The following BMP1 variants were observed in gnomAD, a reference collection of about 807,000 sequenced individuals.
The protein encoded by BMP1 is mammalian tolloid protein.
In BMP1, 63 loss-of-function variants were observed where a neutral mutation model predicts 116.8. The ratio of observed to expected loss-of-function variants is 0.54; its 90% CI spans 0.44 to 0.67. BMP1 has a LOEUF of 0.67. Ranked by LOEUF, BMP1 falls within the 30% of genes least tolerant of loss-of-function variation. BMP1 has a pLI of 0.00. For missense variants in BMP1, 1,183 were observed against 1,358.9 expected, an observed-to-expected ratio of 0.87 and a Z score of 2.04; for synonymous variants, 536 against 533.4, an observed-to-expected ratio of 1.00 and a Z score of -0.07.
At chr8:22,205,915 C>G (rs1249332037) in intron 16 of BMP1, among the ~76,000 whole-genome samples, 1 of 152,182 alleles carries the variant, frequency 6.6e-6, no homozygotes, top group African/African-American at 2.4e-5. Context: ...TGACAAAGCC[C>G]TCAAGGAACC....
chr8:22,206,870 G>A lies in BMP1; in HGVS notation c.2250G>A (p.Lys750=). ...HDCKEAGCDH[K]VTSTSGTITS... ...TCCCTGCAGCCGGCTGTGACCACAA[G>A]GTGACATCCACCAGTGGTACCATCA... Residue 750 remains lysine (K), a synonymous_variant, in exon 17 of 20, where the codon AAG becomes AAA. Coordinates refer to ENST00000306385, the MANE Select transcript of BMP1 (RefSeq NM_006129.5). 6.2e-7 allele frequency: 1 copy of A among 1,614,160 alleles called. No individual in the cohort carries two copies. Among genetic ancestry groups the A allele is most frequent in the East Asian group, 2.2e-5 (1 of 44,878 alleles).
At chr8:22,177,230 A>T in intron 5 of BMP1, 91 bp downstream of exon 5, 1 of 1,358,262 alleles carries the variant, frequency 7.4e-7, no homozygotes. Context: ...CAGCCGCTCC[A>T]GCCAGCCGTC....
At chr8:22,209,765 C>T (rs1470913601) in intron 19 of BMP1, 70 bp downstream of exon 19, 2 of 1,543,238 alleles carry the variant, frequency 1.3e-6, no homozygotes, top group African/African-American at 1.4e-5. Context: ...CCCTTCTCAG[C>T]CCAGTCTCCA....
At chr8:22,190,570 C>T (rs184629459) in intron 8 of BMP1, among the ~76,000 whole-genome samples, 225 of 152,230 alleles carry the variant, frequency 1.5e-3, no homozygotes, top group Non-Finnish European at 2.1e-4. Context: ...GGTGTGTGGC[C>T]GGGAAGGTAT....
chr8:22,201,485 C>G, intron 15 of BMP1: 2 of 1,401,272 alleles, frequency 1.4e-6, no homozygotes, highest in Non-Finnish European at 1.8e-6. Flanking sequence ...CTCTTGCAGT[C>G]TGCTTGTCCA....
At chr8:22,197,528 C>T (rs1829128803) in intron 15 of BMP1, 108 bp downstream of exon 15, 16 of 1,287,870 alleles carry the variant, frequency 1.2e-5, no homozygotes, top group South Asian at 1.0e-4. Context: ...TGGTGCCAGG[C>T]AGGCAGAGTC....
At position 22,198,994 on chromosome 8, in the gene BMP1, G is replaced by T. The variant is rs370731993; in HGVS notation, c.2107+1574G>T. ...GGGAAACCATTACCTGCTTACTCTC[G>T]TCTCTTCCTGCCCTTCTGTTGCTCC... On this transcript the variant is annotated intron_variant, in intron 15 of 19. Transcript: ENST00000306385. The T allele has an allele frequency of 2.3e-6, 3 of 1,302,572 alleles. No homozygotes were observed. The African/African-American group carries it at 4.6e-5, about 20-fold the overall frequency. 80.7% of individuals were successfully genotyped at this position (1,302,572 alleles called of 1,614,324 possible). A position where few individuals can be genotyped will look rare whatever the true frequency, so the allele number is the denominator to read the frequency against.
In BMP1 at chr8:22,195,484, C is replaced by T. The variant is rs1417774416; in HGVS notation, c.1662C>T (p.Pro554=). The T allele has an allele frequency of 1.2e-6, 2 of 1,610,304 alleles. No individual in the cohort carries two copies. Among genetic ancestry groups the T allele is most frequent in the Non-Finnish European group, 1.7e-6 (2 of 1,179,134 alleles). Reference sequence around the variant, plus strand: ...CAGAGGTGGACGAGTGCTCTCGGCCCAACCGCGGGGGCTGTGAGCAGCGGT... The same window carrying T: ...CAGAGGTGGACGAGTGCTCTCGGCCTAACCGCGGGGGCTGTGAGCAGCGGT... ...FFKEVDECSR[P]NRGGCEQRCL... is the part of the protein sequence containing the mutation. Residue 554 remains proline, a synonymous_variant, in exon 13 of 20, where the codon CCC becomes CCT. Transcript: ENST00000306385.
intron 16 of BMP1, among the ~76,000 whole-genome samples, chr8:22,205,418 A>T (rs895853685): frequency 6.6e-6 from 1 of 152,140 alleles, no homozygotes; most frequent in Admixed American, 6.5e-5. Context: ...CAGTCAGTTA[A>T]GTCAATCGAG....
chr8:22,200,997 C>CCCCCCCCCCCCCCA, intron 15 of BMP1: 1 of 319,192 alleles, frequency 3.1e-6, no homozygotes. Flanking sequence ...CCTCCCGCCC[C>CCCCCCCCCCCCCCA]ACCCTGCCCC....
intron 8 of BMP1, among the ~76,000 whole-genome samples, chr8:22,182,545 G>A (rs73549591): frequency 1.1e-3 from 167 of 152,270 alleles, no homozygotes; most frequent in African/African-American, 3.0e-3. Context: ...TGCTGAATAC[G>A]TAAGATGCAA....
chr8:22,171,806 C>T (rs891007872), intron 1 of BMP1: 3 of 152,216 alleles, frequency 2.0e-5, no homozygotes, highest in African/African-American at 7.2e-5. Context: ...CTCCCACATT[C>T]TGTTGATCCT....
Position 22,177,890 on chromosome 8 carries a change from G to GT in BMP1, c.770dup (p.Glu258GlyfsTer8). 1 of 1,613,728 alleles carries GT rather than the reference G, an allele frequency of 6.2e-7. No individual in the cohort carries two copies. Among genetic ancestry groups the GT allele is most frequent in the South Asian group, 1.1e-5 (1 of 91,062 alleles). ...CTTCCTGAAGATGGAGCCTCAGGAG[G>GT]TGGAGTCCCTGGGGGAGACCTATGA... On this transcript the variant is annotated frameshift_variant, in exon 6 of 20. Coordinates refer to ENST00000306385, the MANE Select transcript of BMP1 (RefSeq NM_006129.5). LOFTEE classifies it high-confidence loss of function.
intron 8 of BMP1, among the ~76,000 whole-genome samples, chr8:22,185,828 CTTTTTTTTTT>C (rs71204540): frequency 2.5e-5 from 2 of 80,960 alleles, no homozygotes; most frequent in Non-Finnish European, 4.7e-5. Flanking sequence ...CACTGTCTTT[CTTTTTTTTTT>C]TTTTTTTTTT....
chr8:22,176,085 G>C (rs1197452035), intron 2 of BMP1, 58 bp from the exon 3 acceptor site: 29 of 1,562,136 alleles, frequency 1.9e-5, no homozygotes, highest in Non-Finnish European at 2.5e-5. Context: ...GTTTGACTAT[G>C]CTTTTGCTTT....
chr8:22,185,312 C>G (rs1271039624), intron 8 of BMP1, among the ~76,000 whole-genome samples: 3 of 151,696 alleles, frequency 2.0e-5, no homozygotes, highest in African/African-American at 7.3e-5. Context: ...ATTAGCTGGG[C>G]ATGGTGGTGC....
chr8:22,190,396 G>A (rs1828896911), intron 8 of BMP1, among the ~76,000 whole-genome samples: 1 of 152,200 alleles, frequency 6.6e-6, no homozygotes, highest in Admixed American at 6.5e-5. Flanking sequence ...GAGTAGATGG[G>A]GGTGACCGGC....
At position 22,197,374 on chromosome 8, in the gene BMP1, C is replaced by T. The variant is rs755344067; in HGVS notation, c.2061C>T (p.Ser687=). 42 of 1,613,162 alleles carry T rather than the reference C, an allele frequency of 2.6e-5. No homozygotes were observed. Among genetic ancestry groups the T allele is most frequent in the Non-Finnish European group, 3.2e-5 (38 of 1,179,342 alleles). Residue 687 remains serine (S), a synonymous_variant, in exon 15 of 20, where the codon TCC becomes TCT. Coordinates refer to ENST00000306385, the MANE Select transcript of BMP1 (RefSeq NM_006129.5). ...QYNNMRVEFK[S]DNTVSKKGFK... is the part of the protein sequence containing the mutation. ...ACAACATGCGCGTGGAGTTCAAGTCCGACAACACCGTGTCCAAAAAGGGCT... is the reference window on the plus strand; with the variant it reads ...ACAACATGCGCGTGGAGTTCAAGTCTGACAACACCGTGTCCAAAAAGGGCT...
intron 6 of BMP1, among the ~76,000 whole-genome samples, chr8:22,178,932 A>G (rs1828532305): frequency 6.6e-6 from 1 of 152,248 alleles, no homozygotes; most frequent in East Asian, 1.9e-4. Flanking sequence ...ACCTGCAGGA[A>G]CAGAGACCAA....
Sources: gnomAD v4.1 joint callset for allele counts (sites outside exome capture counted in the v4.1 genomes callset) on GRCh38, gnomAD v4.1.1 for gene constraint, MANE v1.5 for transcripts, NCBI Gene and HGNC (gene_info 2026-07-23, HGNC 2026-07-21) for gene names.